The following NECTIN4 variants were observed in gnomAD, a reference collection of about 807,000 sequenced individuals.
The protein encoded by NECTIN4 is nectin cell adhesion molecule 4.
A neutral mutation model predicts 51.7 loss-of-function variants in NECTIN4; 19 were observed. The ratio of observed to expected loss-of-function variants is 0.37; its 90% CI spans 0.26 to 0.54. The LOEUF (loss-of-function observed/expected upper bound fraction) is 0.54. NECTIN4 is among the 20% of genes least tolerant of loss of function. The pLI is 0.86. For missense variants in NECTIN4, 619 were observed against 662.4 expected, an observed-to-expected ratio of 0.93 and a Z score of 0.72; for synonymous variants, 283 against 286.9, an observed-to-expected ratio of 0.99 and a Z score of 0.14.
intron 1 of NECTIN4, among the ~76,000 whole-genome samples, chr1:161,086,411 C>A (rs920242076): frequency 1.3e-5 from 2 of 152,204 alleles, no homozygotes; most frequent in African/African-American, 2.4e-5. Flanking sequence ...GGGCCTGCCC[C>A]CCTCTGTAAA....
intron 3 of NECTIN4, 101 bp from the exon 4 acceptor site, chr1:161,076,576 C>T (rs1653425789): frequency 5.9e-6 from 9 of 1,514,414 alleles, no homozygotes; most frequent in Admixed American, 1.7e-5. Flanking sequence ...GAAACACCCT[C>T]CCCTTGCCCT....
At position 161,077,566 on chromosome 1, in the gene NECTIN4, G is replaced by A. The variant is rs773290658; in HGVS notation, c.617C>T (p.Ser206Leu). The A allele has an allele frequency of 3.7e-6, 6 of 1,614,040 alleles. No individual in the cohort carries two copies. In the Admixed American group the frequency reaches 1.0e-4, roughly 27 times the overall value. The change falls in exon 3 of 9, where the codon TCA becomes TTA. Residue 206 changes from serine to leucine, a missense_variant. Ser to Leu is a moderately radical substitution (Grantham distance 145). Around this residue, in one of 3 missense-constraint regions of NECTIN4, gnomAD observed 364 missense variants for 415.7 expected, o/e 0.88. Transcript: ENST00000368012. ...FKHSRSAAVT[S>L]EFHLVPSRSM... ...GCGGCTAGGCACCAAGTGGAACTCT[G>A]AGGTGACGGCAGCAGAGCGGGAGTG...
At chr1:161,084,449 G>A (rs1388764208) in intron 1 of NECTIN4, 1 of 152,330 alleles carries the variant, frequency 6.6e-6, no homozygotes, top group African/African-American at 2.4e-5. Context: ...ATGTGGCTGT[G>A]AGCCTTTGCC....
At position 161,073,211 on chromosome 1, in the gene NECTIN4, G is replaced by A. The variant is rs1466854876; in HGVS notation, c.1308+14C>T. 1 of 1,612,010 alleles carries A rather than the reference G, an allele frequency of 6.2e-7. No homozygotes were observed. The highest frequency in any genetic ancestry group is 8.5e-7 in the Non-Finnish European group (1 of 1,178,116). On this transcript the variant is annotated intron_variant, in intron 8 of 8. Transcript: ENST00000368012. The stretch of plus-strand genomic sequence containing the variant: ...GGAGAGTGGTGGGGACACCGGTGGG[G>A]CCGGGGGCCTCACCATCACAGAGCA...
intron 1 of NECTIN4, among the ~76,000 whole-genome samples, chr1:161,083,400 C>G (rs368748140): frequency 2.6e-5 from 4 of 152,190 alleles, no homozygotes; most frequent in Non-Finnish European, 5.9e-5. Flanking sequence ...TCCTTCTCTC[C>G]TCCACCCAGT....
intron 1 of NECTIN4, among the ~76,000 whole-genome samples, chr1:161,086,205 C>T (rs1159655343): frequency 2.6e-5 from 4 of 152,192 alleles, no homozygotes; most frequent in African/African-American, 9.7e-5. Flanking sequence ...CCCCCAGATC[C>T]TGAGGCTCTG....
At position 161,089,124 on chromosome 1, in the gene NECTIN4, G is replaced by A. The variant is rs1483893052; in HGVS notation, c.79+94C>T. The A allele has an allele frequency of 3.7e-6, 4 of 1,066,866 alleles. No homozygotes were observed. The highest frequency in any genetic ancestry group is 4.7e-5 in the East Asian group (2 of 42,380). The allele number at this position is 1,066,866 out of a possible 1,614,324, so 66.1% of individuals were successfully genotyped here. A position where few individuals can be genotyped will look rare whatever the true frequency, so the allele number is the denominator to read the frequency against. On this transcript the variant is annotated intron_variant, in intron 1 of 8. Coordinates refer to ENST00000368012, the MANE Select transcript of NECTIN4 (RefSeq NM_030916.3). This position sits in a 1 kb window ranked among gnomAD's most constrained non-coding sequence, Gnocchi z 4.1. ...CAGAGTCAAAGAAAGGAGGATATGT[G>A]TGTGCGTGCGTGTGTGTCTATGTGT...
intron 8 of NECTIN4, 123 bp from the exon 9 acceptor site, chr1:161,073,008 A>C: frequency 9.6e-7 from 1 of 1,039,726 alleles, no homozygotes; most frequent in African/African-American, 1.6e-5. Flanking sequence ...TTGCCTCAGA[A>C]GCATAGGGGC....
In NECTIN4 at chr1:161,079,654, G is replaced by A. The variant is rs374891548; in HGVS notation, c.375C>T (p.Tyr125=). 6.2e-7 allele frequency: 1 copy of A among 1,606,024 alleles called. No homozygotes were observed. The highest frequency in any genetic ancestry group is 8.5e-7 in the Non-Finnish European group (1 of 1,179,700). ...RNAVQADEGE[Y]ECRVSTFPAG... ...CGGGGAAGGTGCTGACCCGGCACTC[G>A]TACTCGCCCTCATCCGCCTGCACTG... Residue 125 remains tyrosine (Y), a synonymous_variant, in exon 2 of 9, where the codon TAC becomes TAT. Transcript: ENST00000368012.
At chr1:161,083,368 A>G (rs1557950107) in intron 1 of NECTIN4, among the ~76,000 whole-genome samples, 1 of 152,196 alleles carries the variant, frequency 6.6e-6, no homozygotes, top group South Asian at 2.1e-4. Flanking sequence ...TTTCCAGGCC[A>G]GGGCAGGCCA....
chr1:161,072,617 G>A lies in NECTIN4; in HGVS notation c.*44C>T, dbSNP rs764743306. 39 of 1,539,314 alleles carry A rather than the reference G, an allele frequency of 2.5e-5. No homozygotes were observed. Among genetic ancestry groups the A allele is most frequent in the Non-Finnish European group, 3.3e-5 (37 of 1,111,776 alleles). ...CCCAAGATGAGCTAAAATCTCCCAT[G>A]TCAACAGAAGGAGCCAGGCCTAGGG... On this transcript the variant is annotated 3_prime_UTR_variant, in exon 9 of 9. Coordinates refer to ENST00000368012, the MANE Select transcript of NECTIN4 (RefSeq NM_030916.3).
intron 1 of NECTIN4, among the ~76,000 whole-genome samples, chr1:161,083,640 ACTCAGAAGCTGC>A (rs1653800351): frequency 6.6e-6 from 1 of 152,080 alleles, no homozygotes; most frequent in Non-Finnish European, 1.5e-5. Context: ...AGCCTTGGTG[ACTCAGAAGCTGC>A]CTCACAGCAG....
At chr1:161,080,903 C>T (rs1160313824) in intron 1 of NECTIN4, among the ~76,000 whole-genome samples, 2 of 152,190 alleles carry the variant, frequency 1.3e-5, no homozygotes, top group Non-Finnish European at 2.9e-5. Flanking sequence ...CATATGGAAA[C>T]ATGTGATGAT....
chr1:161,082,045 A>G (rs1037259153), intron 1 of NECTIN4, among the ~76,000 whole-genome samples: 2 of 152,010 alleles, frequency 1.3e-5, no homozygotes, highest in African/African-American at 4.8e-5. Flanking sequence ...ATGAGGAGGA[A>G]CAGGCTGGGC....
intron 1 of NECTIN4, among the ~76,000 whole-genome samples, chr1:161,085,641 C>T (rs1238544244): frequency 1.3e-5 from 2 of 151,776 alleles, no homozygotes; most frequent in Non-Finnish European, 2.9e-5. Context: ...GCCTTCTCCA[C>T]GGCCTTCCTT....
At chr1:161,078,450 G>A (rs1251862791) in intron 2 of NECTIN4, among the ~76,000 whole-genome samples, 1 of 151,812 alleles carries the variant, frequency 6.6e-6, no homozygotes, top group Non-Finnish European at 1.5e-5. Flanking sequence ...TGGGATTACA[G>A]GTGCGCACCA....
rs751356936 is a variant in NECTIN4, at chr1:161,072,852, G to T, written c.1342C>A (p.Leu448Met). ...GTTTCTATCTCCCTCACCGTGGTCA[G>T]CGTGGAGTAACTGCGGCCCTCGGGC... ...EEPEGRSYST[L>M]TTVREIETQT... The change falls in exon 9 of 9, where the codon CTG becomes ATG. Residue 448 changes from leucine (L) to methionine (M), a missense_variant. Leu to Met is a conservative substitution (Grantham distance 15, BLOSUM62 2). Around this residue, in one of 3 missense-constraint regions of NECTIN4, gnomAD observed 364 missense variants for 415.7 expected, o/e 0.88. Transcript: ENST00000368012. 1 of 1,614,184 alleles carries T rather than the reference G, an allele frequency of 6.2e-7. No individual in the cohort carries two copies.
At chr1:161,075,020 G>A (rs936905250) in intron 4 of NECTIN4, among the ~76,000 whole-genome samples, 3 of 148,048 alleles carry the variant, frequency 2.0e-5, no homozygotes, top group African/African-American at 5.0e-5. Context: ...CAGGCATCAC[G>A]TCATCCAACA....
intron 6 of NECTIN4, 59 bp from the exon 7 acceptor site, chr1:161,073,854 C>T (rs1428768733): frequency 1.2e-5 from 18 of 1,502,030 alleles, no homozygotes; most frequent in Non-Finnish European, 1.7e-5. Flanking sequence ...CAAGGTGAGC[C>T]TATCCTGGCT....
Sources: allele counts gnomAD v4.1 joint callset (sites outside exome capture counted in the v4.1 genomes callset), GRCh38; gene constraint gnomAD v4.1.1; regional missense constraint gnomAD v4.1.1; non-coding constraint Gnocchi (gnomAD v3.1); transcripts MANE v1.5; gene names NCBI Gene and HGNC (gene_info 2026-07-23, HGNC 2026-07-21).